HSPG2: variants seen among roughly 807,000 people sequenced by gnomAD.
The protein encoded by HSPG2 is basement membrane-specific heparan sulfate proteoglycan core protein.
A neutral mutation model predicts 526.6 loss-of-function variants in HSPG2; 278 were observed. The ratio of observed to expected loss-of-function variants is 0.53; its 90% CI spans 0.48 to 0.58. The LOEUF is 0.58. HSPG2 is among the 20% of genes least tolerant of loss of function. HSPG2 has a pLI of 0.00. For missense variants in HSPG2, 5,354 were observed against 6,099.5 expected, an observed-to-expected ratio of 0.88 and a Z score of 4.07; for synonymous variants, 2,465 against 2,555.4, an observed-to-expected ratio of 0.96 and a Z score of 1.07.
chr1:21,883,114 G>A (rs1353801767), intron 13 of HSPG2, among the ~76,000 whole-genome samples: 1 of 152,078 alleles, frequency 6.6e-6, no homozygotes, highest in Non-Finnish European at 1.5e-5. Context: ...CTAAACTGCT[G>A]TGTGAACCCA....
At chr1:21,907,984 T>C (rs963881758) in intron 1 of HSPG2, 3 of 607,484 alleles carry the variant, frequency 4.9e-6, no homozygotes, top group Admixed American at 4.4e-5. Flanking sequence ...ATACGGCTGT[T>C]GTGAGGGTTA....
chr1:21,909,005 G>A (rs1031656696), intron 1 of HSPG2, among the ~76,000 whole-genome samples: 2 of 152,250 alleles, frequency 1.3e-5, no homozygotes, highest in African/African-American at 4.8e-5. Context: ...CTACTTGGGA[G>A]GCTGAGGCAG....
rs374337096 is a variant in HSPG2 at position 21,851,645 on chromosome 1, C to T, written c.7059G>A (p.Ala2353=). Residue 2353 remains alanine, a synonymous_variant, in exon 55 of 97, where the codon GCG becomes GCA. Transcript: ENST00000374695. ...AGTTCAGATCCAGGGTCTGCCCTTCCGCCACTTGCGAGGAGGAGGGCTCGA... is the reference window on the plus strand; with the variant it reads ...AGTTCAGATCCAGGGTCTGCCCTTCTGCCACTTGCGAGGAGGAGGGCTCGA... ...IRIEPSSSQV[A]EGQTLDLNCV... 1.3e-4 allele frequency: 216 copies of T among 1,613,732 alleles called. 1 individual carries two copies. Among genetic ancestry groups the T allele is most frequent in the South Asian group, 9.8e-4 (89 of 91,078 alleles).
At position 21,889,976 on chromosome 1, in the gene HSPG2, C is replaced by T. The variant is rs1421638656; in HGVS notation, c.574+5G>A. 1 of 1,613,902 alleles carries T rather than the reference C, an allele frequency of 6.2e-7. No individual in the cohort carries two copies. Among genetic ancestry groups the T allele is most frequent in the Non-Finnish European group, 8.5e-7 (1 of 1,179,948 alleles). On this transcript the variant is annotated splice_donor_5th_base_variant and intron_variant, in intron 6 of 96. Coordinates refer to ENST00000374695, the MANE Select transcript of HSPG2 (RefSeq NM_005529.7). Reference sequence around the variant, plus strand: ...AGGCGATCCCAGACACCAGGATAGGCTCACCTGTGCCCAGGCGTCGGAACT... The same window carrying T: ...AGGCGATCCCAGACACCAGGATAGGTTCACCTGTGCCCAGGCGTCGGAACT...
At position 21,838,621 on chromosome 1, in the gene HSPG2, G is replaced by A. The variant is rs78988305; in HGVS notation, c.10150+204C>T. 2.8e-3 allele frequency among the ~76,000 whole-genome samples: 426 copies of A among 152,354 alleles called. 3 individuals carry two copies. The highest frequency in any genetic ancestry group is 9.5e-3 in the African/African-American group (396 of 41,578). ...GCTGTGCCAAAGGTGGGGAGCAGCC[G>A]TGAGAGCTAGAGGAGCTGAGCACAC... is the stretch of plus-strand genomic sequence containing the variant. On this transcript the variant is annotated intron_variant, in intron 74 of 96. Coordinates refer to ENST00000374695, the MANE Select transcript of HSPG2 (RefSeq NM_005529.7).
intron 71 of HSPG2, among the ~76,000 whole-genome samples, chr1:21,840,309 G>T (rs2098043464): frequency 6.6e-6 from 1 of 150,812 alleles, no homozygotes; most frequent in Admixed American, 6.6e-5. Flanking sequence ...AGCTAATTTT[G>T]TTTGTTTGTT....
At position 21,860,145 on chromosome 1, in the gene HSPG2, T is replaced by C. The variant is rs767271883; in HGVS notation, c.5014+32A>G. On this transcript the variant is annotated intron_variant, in intron 40 of 96. Coordinates refer to ENST00000374695, the MANE Select transcript of HSPG2 (RefSeq NM_005529.7). ...TTCCCAGGGCTCCCTGCCTTGCCCATCGTCCCCATCCTGGGCCATGGTCCC... is the reference window on the plus strand; with the variant it reads ...TTCCCAGGGCTCCCTGCCTTGCCCACCGTCCCCATCCTGGGCCATGGTCCC... 6 of 1,612,738 alleles carry C rather than the reference T, an allele frequency of 3.7e-6. No homozygotes were observed. In the Admixed American group the frequency reaches 1.0e-4, roughly 27 times the overall value.
At chr1:21,838,790 G>A (rs935726436) in intron 74 of HSPG2, 35 bp downstream of exon 74, 4 of 1,606,522 alleles carry the variant, frequency 2.5e-6, no homozygotes, top group East Asian at 2.2e-5. Flanking sequence ...AGGAGGAAAG[G>A]TGATCCCCTT....
rs1641951233 is a variant in HSPG2 at position 21,887,104 on chromosome 1, A to AG, written c.1078+110dup. On this transcript the variant is annotated intron_variant, in intron 9 of 96. Transcript: ENST00000374695. This position sits in a 1 kb window ranked among gnomAD's most constrained non-coding sequence, Gnocchi z 5.0. ...AACAAACAGGCTTGGGGGACTGGGG[A>AG]GGGGGGAAAGCGGAGGGGCAGGGTA... 1 of 913,644 alleles carries AG rather than the reference A, an allele frequency of 1.1e-6. No homozygotes were observed. The highest frequency in any genetic ancestry group is 1.5e-6 in the Non-Finnish European group (1 of 663,852). The allele number at this position is 913,644 out of a possible 1,614,324, so 56.6% of individuals were successfully genotyped here.
At chr1:21,935,475 C>G (rs910226099) in intron 1 of HSPG2, among the ~76,000 whole-genome samples, 2 of 152,350 alleles carry the variant, frequency 1.3e-5, no homozygotes, top group Middle Eastern at 3.4e-3. Flanking sequence ...CACTGGCACA[C>G]AGTAGGTGCA....
rs545737268 is a variant in HSPG2, at chr1:21,870,817, G to T, written c.4221+1369C>A. On this transcript the variant is annotated intron_variant, in intron 33 of 96. Transcript: ENST00000374695. ...CCCCACCACACCAACTTCACACCAC[G>T]CACGTCCTGGGCCTACCTGGTGAGC... The T allele has an allele frequency of 4.2e-5, 41 of 986,210 alleles. No individual in the cohort carries two copies. The African/African-American group carries it at 6.6e-4, about 16-fold the overall frequency. 61.1% of individuals were successfully genotyped at this position (986,210 alleles called of 1,614,324 possible).
At chr1:21,908,371 C>G in intron 1 of HSPG2, 1 of 1,072,956 alleles carries the variant, frequency 9.3e-7, no homozygotes, top group Non-Finnish European at 1.4e-6. Flanking sequence ...AATTAATGTG[C>G]GTATTGAGCA....
chr1:21,829,128 C>T, intron 87 of HSPG2, 49 bp from the exon 88 acceptor site: 11 of 1,519,356 alleles, frequency 7.2e-6, no homozygotes, highest in Non-Finnish European at 9.7e-6. Context: ...ACACGGGGCT[C>T]CCTGCCCTCT....
rs57835686 is a variant in HSPG2, at chr1:21,926,761, C to CAAAA, written c.63+10390_63+10393dup. ...TGGGAGACAGAGTGAGACTCAGTCT[C>CAAAA]AAAAAAAAAAAAAAAAAAAAAAAAA... On this transcript the variant is annotated intron_variant, in intron 1 of 96. Transcript: ENST00000374695. Among the ~76,000 whole-genome samples, 100 of 55,872 alleles carry CAAAA rather than the reference C, an allele frequency of 1.8e-3. 1 individual carries two copies. The highest frequency in any genetic ancestry group is 7.2e-3 in the African/African-American group (98 of 13,704). The allele number at this position is 55,872 out of a possible 152,430, so 36.7% of individuals were successfully genotyped here.
rs1222269182 is a variant in HSPG2 at position 21,839,783 on chromosome 1, C to T, written c.9709+39G>A. ...TCTACATTTCAGACCCCAGGGCATCCCTGCCCTGCCAGCCCTATGTGCCAG... is the reference window on the plus strand; with the variant it reads ...TCTACATTTCAGACCCCAGGGCATCTCTGCCCTGCCAGCCCTATGTGCCAG... On this transcript the variant is annotated intron_variant, in intron 72 of 96. Transcript: ENST00000374695. This position sits in a 1 kb window ranked among gnomAD's most constrained non-coding sequence, Gnocchi z 4.5. 8 of 1,597,892 alleles carry T rather than the reference C, an allele frequency of 5.0e-6. No individual in the cohort carries two copies. The highest frequency in any genetic ancestry group is 6.8e-6 in the Non-Finnish European group (8 of 1,168,548).
At chr1:21,925,039 T>C (rs771808753) in intron 1 of HSPG2, among the ~76,000 whole-genome samples, 3 of 152,070 alleles carry the variant, frequency 2.0e-5, no homozygotes, top group Non-Finnish European at 2.9e-5. Context: ...ATCCGGAGAG[T>C]AGGGACCATG....
chr1:21,828,904 A>AC lies in HSPG2; in HGVS notation c.12167dup (p.Val4057CysfsTer48). On this transcript the variant is annotated frameshift_variant, in exon 88 of 97. Transcript: ENST00000374695. LOFTEE classifies it high-confidence loss of function. This position sits in a 1 kb window ranked among gnomAD's most constrained non-coding sequence, Gnocchi z 6.0. ...GGGACAGTGGCACGGAAGGCTCCAC[A>AC]CCCCCCAGGTAGAGCAGGGTGTGCA... The AC allele has an allele frequency of 6.4e-7, 1 of 1,558,764 alleles. No individual in the cohort carries two copies.
intron 70 of HSPG2, 88 bp downstream of exon 70, chr1:21,841,451 G>A: frequency 1.9e-6 from 3 of 1,586,764 alleles, no homozygotes; most frequent in Non-Finnish European, 2.6e-6. Context: ...AGAGTCAATG[G>A]TGGAAGGAGG....
chr1:21,848,814 G>C lies in HSPG2; in HGVS notation c.7586-20C>G. On this transcript the variant is annotated intron_variant, in intron 58 of 96. Transcript: ENST00000374695. The surrounding 1 kb of genome is among the most constrained non-coding windows in gnomAD (Gnocchi z 4.9). ...CCTGGGCTGGGAGGGTGAGATGTAA[G>C]GCAGGGTGTGGGAGCTGCTGAGGGT... The C allele has an allele frequency of 6.2e-7, 1 of 1,613,456 alleles. No homozygotes were observed. The highest frequency in any genetic ancestry group is 2.2e-5 in the East Asian group (1 of 44,862).
Sources: allele counts gnomAD v4.1 joint callset (sites outside exome capture counted in the v4.1 genomes callset), GRCh38; gene constraint gnomAD v4.1.1; non-coding constraint Gnocchi (gnomAD v3.1); transcripts MANE v1.5; gene names NCBI Gene and HGNC (gene_info 2026-07-23, HGNC 2026-07-21).